KLHL7: variants seen among roughly 807,000 people sequenced by gnomAD.
KLHL7 encodes the protein kelch like family member 7, also known as kelch-like protein 7.
A neutral mutation model predicts 67.4 loss-of-function variants in KLHL7; 44 were observed. The observed-to-expected ratio is 0.65, with a 90% confidence interval of 0.51 to 0.84. The LOEUF is 0.84. Ranked by LOEUF, KLHL7 falls within the 40% of genes least tolerant of loss-of-function variation. KLHL7 has a pLI of 0.00. For missense variants in KLHL7, 362 were observed against 718.1 expected, an observed-to-expected ratio of 0.50 and a Z score of 5.67; for synonymous variants, 252 against 243.3, an observed-to-expected ratio of 1.04 and a Z score of -0.33.
At chr7:23,146,670 T>TCTTCTTCTTC (rs1562577230) in intron 6 of KLHL7, among the ~76,000 whole-genome samples, 1 of 151,938 alleles carries the variant, frequency 6.6e-6, no homozygotes, top group African/African-American at 2.4e-5. Context: ...CTTCTTCTTT[T>TCTTCTTCTTC]TTTTTTAATT....
chr7:23,125,739 A>G, intron 4 of KLHL7: 3 of 1,471,998 alleles, frequency 2.0e-6, no homozygotes, highest in South Asian at 1.5e-5. Context: ...CTATTAATAA[A>G]GTATTTTCTA....
intron 1 of KLHL7, among the ~76,000 whole-genome samples, chr7:23,118,724 G>C (rs1339301110): frequency 6.6e-6 from 1 of 152,086 alleles, no homozygotes; most frequent in Admixed American, 6.6e-5. Context: ...TTGATTATCT[G>C]ATCTCTTATC....
At chr7:23,172,042 C>T in intron 9 of KLHL7, 1 of 409,038 alleles carries the variant, frequency 2.4e-6, no homozygotes, top group South Asian at 1.7e-5. Context: ...GAGATATAAA[C>T]AATAATTATA....
intron 1 of KLHL7, among the ~76,000 whole-genome samples, chr7:23,113,905 C>T (rs940371122): frequency 1.3e-5 from 2 of 152,170 alleles, no homozygotes; most frequent in African/African-American, 4.8e-5. Flanking sequence ...ACATAGAGAC[C>T]ATGCTGTCTA....
At chr7:23,163,141 A>G (rs766607573) in intron 7 of KLHL7, among the ~76,000 whole-genome samples, 5 of 151,958 alleles carry the variant, frequency 3.3e-5, no homozygotes, top group Non-Finnish European at 7.4e-5. Context: ...AATATTTAGA[A>G]CTTATCACTC....
intron 7 of KLHL7, among the ~76,000 whole-genome samples, chr7:23,155,609 A>G (rs967338744): frequency 2.0e-5 from 3 of 151,872 alleles, no homozygotes; most frequent in Non-Finnish European, 4.4e-5. Context: ...GGTTGCAGTG[A>G]GCTGAGATCA....
intron 5 of KLHL7, among the ~76,000 whole-genome samples, chr7:23,143,356 A>G (rs1231410723): frequency 6.6e-6 from 1 of 152,182 alleles, no homozygotes; most frequent in Non-Finnish European, 1.5e-5. Flanking sequence ...AGAATTCTTT[A>G]TATCTTAAAG....
chr7:23,133,487 A>G (rs759417488), intron 4 of KLHL7, among the ~76,000 whole-genome samples: 1 of 152,104 alleles, frequency 6.6e-6, no homozygotes, highest in Non-Finnish European at 1.5e-5. Flanking sequence ...GCTGGAATGC[A>G]GTGGTGTGAC....
intron 7 of KLHL7, among the ~76,000 whole-genome samples, chr7:23,159,393 C>T (rs544670674): frequency 4.6e-5 from 7 of 151,826 alleles, no homozygotes; most frequent in Admixed American, 6.6e-5. Context: ...TGGTCTTGAA[C>T]TCCCAGTCTA....
chr7:23,125,818 G>A (rs1783547896), intron 4 of KLHL7: 1 of 1,550,026 alleles, frequency 6.5e-7, no homozygotes, highest in Non-Finnish European at 8.7e-7. Flanking sequence ...TTCACTGTGT[G>A]ATGATCCTTA....
chr7:23,134,267 G>C (rs1038940287), intron 4 of KLHL7, among the ~76,000 whole-genome samples: 2 of 152,066 alleles, frequency 1.3e-5, no homozygotes, highest in East Asian at 3.8e-4. Context: ...ATTCGTGTAC[G>C]TTGAACCATC....
At chr7:23,128,385 A>AAGCAAT (rs1424983376) in intron 4 of KLHL7, among the ~76,000 whole-genome samples, 1 of 151,068 alleles carries the variant, frequency 6.6e-6, no homozygotes, top group East Asian at 1.9e-4. Flanking sequence ...CAGATGGAGA[A>AAGCAAT]AGCAATAATC....
chr7:23,147,298 C>T (rs1253982898), intron 6 of KLHL7, among the ~76,000 whole-genome samples: 2 of 152,080 alleles, frequency 1.3e-5, no homozygotes, highest in African/African-American at 2.4e-5. Flanking sequence ...CCATGTTGGT[C>T]AGGCTAGCCT....
At chr7:23,140,559 A>G (rs2128464317) in intron 4 of KLHL7, 1 of 579,418 alleles carries the variant, frequency 1.7e-6, no homozygotes, top group Non-Finnish European at 3.0e-6. Flanking sequence ...TCCGTCTCAA[A>G]AAACAAAAAA....
At chr7:23,117,972 A>G in intron 1 of KLHL7, 1 of 1,614,008 alleles carries the variant, frequency 6.2e-7, no homozygotes, top group Non-Finnish European at 8.5e-7. Context: ...AAGGTTAGTC[A>G]TTCCTCAGTC....
intron 4 of KLHL7, chr7:23,129,398 G>A (rs1310650802): frequency 2.6e-6 from 1 of 387,924 alleles, no homozygotes; most frequent in Non-Finnish European, 5.2e-6. Flanking sequence ...TTACGACTCG[G>A]CTGGCCCTTC....
In KLHL7 at chr7:23,175,849, T is replaced by C. The variant is rs1011545107; in HGVS notation, c.*1551T>C. The C allele has an allele frequency of 2.6e-5, 4 of 151,798 alleles. No individual in the cohort carries two copies. 9.4% of individuals were successfully genotyped at this position (151,798 alleles called of 1,614,324 possible). A position where few individuals can be genotyped will look rare whatever the true frequency, so the allele number is the denominator to read the frequency against. On this transcript the variant is annotated 3_prime_UTR_variant, in exon 11 of 11. Transcript: ENST00000339077. ...GGTGGTGTGCACTTGTAATCCCAGC[T>C]ATTCAGGAGACTGAGGCAGGAGGAT...
At chr7:23,161,904 G>A (rs1487852034) in intron 7 of KLHL7, among the ~76,000 whole-genome samples, 1 of 152,186 alleles carries the variant, frequency 6.6e-6, no homozygotes, top group African/African-American at 2.4e-5. Context: ...CAAACATATG[G>A]AGAAAAACTC....
At chr7:23,127,678 C>T (rs1783625463) in intron 4 of KLHL7, among the ~76,000 whole-genome samples, 1 of 152,104 alleles carries the variant, frequency 6.6e-6, no homozygotes, top group East Asian at 1.9e-4. Context: ...ACCAGCCTGG[C>T]CAACATGGTG....
Sources: allele counts gnomAD v4.1 joint callset (sites outside exome capture counted in the v4.1 genomes callset), GRCh38; gene constraint gnomAD v4.1.1; transcripts MANE v1.5; gene names NCBI Gene and HGNC (gene_info 2026-07-23, HGNC 2026-07-21).